The following HECTD4 variants were observed in gnomAD, a reference collection of about 807,000 sequenced individuals.
HECTD4 encodes HECT domain E3 ubiquitin protein ligase 4.
Under a neutral mutation model 471.5 loss-of-function variants are expected in HECTD4, and 114 were observed. That is an observed-to-expected ratio of 0.24 (90% CI 0.21 to 0.28). The LOEUF is 0.28. Among genes scored for constraint, HECTD4 ranks in the 10% least tolerant of loss-of-function variants. HECTD4 has a pLI of 1.00. For missense variants in HECTD4, 3,866 were observed against 5,651.5 expected (o/e 0.68, Z 10.13); for synonymous variants, 2,012 against 2,256.0 (o/e 0.89, Z 3.07).
chr12:112,348,710 G>C (rs2036199491), intron 1 of HECTD4, among the ~76,000 whole-genome samples: 1 of 152,054 alleles, frequency 6.6e-6, no homozygotes, highest in Non-Finnish European at 1.5e-5. Context: ...CACCACCGCA[G>C]TCTAGCTAGC....
chr12:112,337,628 T>G (rs1318660003), intron 1 of HECTD4, among the ~76,000 whole-genome samples: 1 of 152,228 alleles, frequency 6.6e-6, no homozygotes, highest in Non-Finnish European at 1.5e-5. Flanking sequence ...GGTTGATGGA[T>G]GAGGCAAGTG....
At position 112,264,106 on chromosome 12, in the gene HECTD4, T is replaced by C. The variant is rs756917620; in HGVS notation, c.2726A>G (p.Gln909Arg). The part of the protein sequence containing the change: ...DENDDSDSSL[Q>R]GETLKVQELK... ...TACCTGTACCTTCAATGTCTCTCCCTGCAAGGAGCTGTCACTGTCATCATT... is the reference window on the plus strand; with the variant it reads ...TACCTGTACCTTCAATGTCTCTCCCCGCAAGGAGCTGTCACTGTCATCATT... Residue 909 changes from glutamine to arginine, a missense_variant, in exon 17 of 76, where the codon CAG (glutamine) becomes CGG (arginine). Physicochemically the swap from Gln to Arg is conservative, Grantham distance 43. Coordinates refer to ENST00000682272, the MANE Select transcript of HECTD4 (RefSeq NM_001388303.1). The C allele has an allele frequency of 2.5e-6, 4 of 1,610,088 alleles. No individual in the cohort carries two copies. Among genetic ancestry groups the C allele is most frequent in the Non-Finnish European group, 2.5e-6 (3 of 1,178,172 alleles).
intron 64 of HECTD4, 128 bp from the exon 65 acceptor site, chr12:112,176,830 G>T (rs971651462): frequency 1.4e-6 from 1 of 736,420 alleles, no homozygotes; most frequent in East Asian, 2.6e-5. Flanking sequence ...CAGATAGGGC[G>T]GGGGCGTTCA....
intron 60 of HECTD4, among the ~76,000 whole-genome samples, chr12:112,187,384 T>G (rs558838728): frequency 1.3e-5 from 2 of 152,136 alleles, no homozygotes; most frequent in Non-Finnish European, 2.9e-5. Flanking sequence ...AATGTATGTA[T>G]GTATGAATGG....
At chr12:112,165,349 A>ATTTT (rs35375585) in intron 72 of HECTD4, among the ~76,000 whole-genome samples, 1 of 128,464 alleles carries the variant, frequency 7.8e-6, no homozygotes, top group African/African-American at 2.9e-5. Context: ...AGAGCAACTA[A>ATTTT]TTTTTTTTTT....
intron 18 of HECTD4, among the ~76,000 whole-genome samples, chr12:112,260,552 G>A (rs1566090573): frequency 6.6e-6 from 1 of 151,774 alleles, no homozygotes; most frequent in Non-Finnish European, 1.5e-5. Flanking sequence ...AGTATTCAAT[G>A]CATCTCTAAA....
intron 44 of HECTD4, among the ~76,000 whole-genome samples, chr12:112,225,855 T>G (rs1391536947): frequency 6.6e-6 from 1 of 152,168 alleles, no homozygotes; most frequent in Non-Finnish European, 1.5e-5. Context: ...TTCAAACGCC[T>G]GGGCTCAAGC....
In HECTD4 at chr12:112,382,172, G is replaced by A; in HGVS notation, c.-44C>T. ...GGCGCTGAGGAGCAGACGCCCGGCC[G>A]GGGGAAACGGAGCAGGAGCCGCCGC... is the stretch of plus-strand genomic sequence containing the variant. On this transcript the variant is annotated 5_prime_UTR_variant, in exon 1 of 76. Coordinates refer to ENST00000682272, the MANE Select transcript of HECTD4 (RefSeq NM_001388303.1). 5.8e-6 allele frequency: 7 copies of A among 1,210,114 alleles called. No homozygotes were observed. Among genetic ancestry groups the A allele is most frequent in the Non-Finnish European group, 5.1e-6 (5 of 973,244 alleles). The allele number at this position is 1,210,114 out of a possible 1,614,324, so 75.0% of individuals were successfully genotyped here.
chr12:112,271,622 G>C (rs1222408932), intron 11 of HECTD4, among the ~76,000 whole-genome samples: 2 of 152,160 alleles, frequency 1.3e-5, no homozygotes, highest in Non-Finnish European at 2.9e-5. Context: ...TACTCCCCAA[G>C]TGTCCTGTTC....
At chr12:112,252,551 G>C (rs773629415) in intron 22 of HECTD4, 23 bp from the exon 23 acceptor site, 1 of 1,594,242 alleles carries the variant, frequency 6.3e-7, no homozygotes. Flanking sequence ...GGAAGGGGGG[G>C]AAATGCACTT....
At chr12:112,269,165 G>A (rs1265187602) in intron 13 of HECTD4, among the ~76,000 whole-genome samples, 2 of 152,178 alleles carry the variant, frequency 1.3e-5, no homozygotes, top group South Asian at 2.1e-4. Context: ...GAGCCACCGC[G>A]CCCGGCCCTG....
chr12:112,247,920 A>G, intron 27 of HECTD4, 147 bp downstream of exon 27: 1 of 566,416 alleles, frequency 1.8e-6, no homozygotes. Flanking sequence ...AACCTCTTTT[A>G]AAGAATGGGT....
chr12:112,378,499 C>A (rs1050897371), intron 1 of HECTD4, among the ~76,000 whole-genome samples: 2 of 151,988 alleles, frequency 1.3e-5, no homozygotes, highest in Non-Finnish European at 2.9e-5. Flanking sequence ...GCTGGGATTA[C>A]AGGCATGAGC....
At position 112,246,893 on chromosome 12, in the gene HECTD4, A is replaced by G. The variant is rs751622215; in HGVS notation, c.4513+8T>C. The G allele has an allele frequency of 1.2e-6, 2 of 1,609,128 alleles. No individual in the cohort carries two copies. Among genetic ancestry groups the G allele is most frequent in the South Asian group, 2.2e-5 (2 of 90,500 alleles). ...AGAAGCCGATTAGGGGCTATCTTTG[A>G]GCAGTACCTGGTGTTTCAGCAGGGG... On this transcript the variant is annotated splice_region_variant and intron_variant, in intron 29 of 75. Transcript: ENST00000682272.
Position 112,246,979 on chromosome 12 carries a change from C to T in HECTD4, c.4435G>A (p.Glu1479Lys), listed in dbSNP as rs757164325. ...TLVKSLMNRAELLLHVTIAAQ... is the reference protein window; with the variant it reads ...TLVKSLMNRAKLLLHVTIAAQ... ...GCGATGGTGACATGCAGCAACAGCT[C>T]GGCTCGGTTCATTAAACTCTTCACT... The change falls in exon 29 of 76, where the codon GAG becomes AAG. Residue 1479 changes from glutamate to lysine, a missense_variant. This residue lies in a region of HECTD4 where 281 missense variants were observed against 499.9 expected (regional missense o/e 0.56). Coordinates refer to ENST00000682272, the MANE Select transcript of HECTD4 (RefSeq NM_001388303.1). The T allele has an allele frequency of 5.0e-6, 8 of 1,612,082 alleles. No homozygotes were observed. Among genetic ancestry groups the T allele is most frequent in the East Asian group, 2.2e-5 (1 of 44,876 alleles).
intron 1 of HECTD4, among the ~76,000 whole-genome samples, chr12:112,331,688 A>AT (rs1337762546): frequency 1.3e-5 from 2 of 152,206 alleles, no homozygotes; most frequent in Non-Finnish European, 2.9e-5. Flanking sequence ...AAGAAAGGGA[A>AT]TTTTTCCTGA....
At position 112,244,270 on chromosome 12, in the gene HECTD4, T is replaced by G. The variant is rs1593969833; in HGVS notation, c.4514-261A>C. On this transcript the variant is annotated intron_variant, in intron 29 of 75. Coordinates refer to ENST00000682272, the MANE Select transcript of HECTD4 (RefSeq NM_001388303.1). ...AGAAAAGCTGAAAAATTCATTGAAT[T>G]TCATAGCTATCCATGTTCACTTTAA... 2.6e-5 allele frequency among the ~76,000 whole-genome samples: 4 copies of G among 152,352 alleles called. No individual in the cohort carries two copies. The South Asian group carries it at 8.3e-4, about 32-fold the overall frequency.
At position 112,213,878 on chromosome 12, in the gene HECTD4, C is replaced by T. The variant is rs2032837380; in HGVS notation, c.7466-1228G>A. On this transcript the variant is annotated intron_variant, in intron 48 of 75. Transcript: ENST00000682272. The surrounding 1 kb of genome is among the most constrained non-coding windows in gnomAD (Gnocchi z 4.0). ...CTCTACAAAAAATACAGAAATTAGT[C>T]AGGCATGGTAGTGTGTGCCTATGGT... Among the ~76,000 whole-genome samples the T allele has an allele frequency of 6.6e-6, 1 of 151,504 alleles. No homozygotes were observed. Among genetic ancestry groups the T allele is most frequent in the Admixed American group, 6.6e-5 (1 of 15,168 alleles).
intron 14 of HECTD4, among the ~76,000 whole-genome samples, chr12:112,266,375 T>C (rs1269491342): frequency 1.3e-5 from 2 of 152,272 alleles, no homozygotes; most frequent in Non-Finnish European, 2.9e-5. Flanking sequence ...TATAGTCAGA[T>C]ACATTATGCT....
Sources: allele counts gnomAD v4.1 joint callset (sites outside exome capture counted in the v4.1 genomes callset), GRCh38; gene constraint gnomAD v4.1.1; regional missense constraint gnomAD v4.1.1; non-coding constraint Gnocchi (gnomAD v3.1); transcripts MANE v1.5; gene names NCBI Gene and HGNC (gene_info 2026-07-23, HGNC 2026-07-21).